Variants in IMMP2L observed in about 807,000 individuals in gnomAD.
The protein encoded by IMMP2L is mitochondrial inner membrane protease subunit 2.
In IMMP2L, 18 loss-of-function variants were observed where a neutral mutation model predicts 19.3. That is an observed-to-expected ratio of 0.93 (90% CI 0.64 to 1.38). IMMP2L has a LOEUF of 1.38. IMMP2L is among the 40% of genes most tolerant of loss of function. The probability of loss-of-function intolerance (pLI) is 0.00; values close to 1 mark genes in which losing one functional copy is unlikely to be tolerated. For missense variants in IMMP2L, 233 were observed against 218.2 expected, an observed-to-expected ratio of 1.07 and a Z score of -0.43; for synonymous variants, 76 against 73.0, an observed-to-expected ratio of 1.04 and a Z score of -0.21.
Position 111,387,965 on chromosome 7 carries a change from ACT to A in IMMP2L, c.239+99271_239+99272del, listed in dbSNP as rs377709301. ...CACTCCAGCCTGGAGACAGAGCAAGACTCTGTCTTTAAAAAAAAAAAAAAAAA... is the reference window on the plus strand; with the variant it reads ...CACTCCAGCCTGGAGACAGAGCAAGACTGTCTTTAAAAAAAAAAAAAAAAA... On this transcript the variant is annotated intron_variant, in intron 3 of 5. Transcript: ENST00000405709. Among the ~76,000 whole-genome samples, 24 of 136,400 alleles carry A rather than the reference ACT, an allele frequency of 1.8e-4. 2 individuals carry two copies. The East Asian group carries it at 2.5e-3, about 14-fold the overall frequency. The allele number at this position is 136,400 out of a possible 152,430, so 89.5% of individuals were successfully genotyped here.
intron 3 of IMMP2L, among the ~76,000 whole-genome samples, chr7:111,298,363 C>T (rs1163235859): frequency 1.3e-5 from 2 of 152,140 alleles, no homozygotes; most frequent in Non-Finnish European, 2.9e-5. Flanking sequence ...ACACAGGGTT[C>T]TTGGGAGGAT....
At position 111,419,722 on chromosome 7, in the gene IMMP2L, T is replaced by C. The variant is rs552417233; in HGVS notation, c.239+67516A>G. Among the ~76,000 whole-genome samples the C allele has an allele frequency of 1.7e-4, 26 of 151,740 alleles. No individual in the cohort carries two copies. The South Asian group carries it at 5.0e-3, about 29-fold the overall frequency. On this transcript the variant is annotated intron_variant, in intron 3 of 5. Coordinates refer to ENST00000405709, the MANE Select transcript of IMMP2L (RefSeq NM_032549.4). ...CTGTGTTCTGACCACCATGGGCACA[T>C]ATCGTCAGGACCACCGGAGACCTTG...
intron 3 of IMMP2L, among the ~76,000 whole-genome samples, chr7:111,250,487 C>A (rs1815974383): frequency 6.6e-6 from 1 of 152,160 alleles, no homozygotes; most frequent in Non-Finnish European, 1.5e-5. Flanking sequence ...AGGTATCACA[C>A]TACCTGACTT....
chr7:111,275,071 G>A (rs994232747), intron 3 of IMMP2L, among the ~76,000 whole-genome samples: 1 of 152,128 alleles, frequency 6.6e-6, no homozygotes, highest in Non-Finnish European at 1.5e-5. Flanking sequence ...CAAGTTTCCA[G>A]ACTATTTGAA....
intron 3 of IMMP2L, chr7:111,124,441 T>C: frequency 6.2e-7 from 1 of 1,613,816 alleles, no homozygotes; most frequent in Non-Finnish European, 8.5e-7. Flanking sequence ...ATGGACAGCC[T>C]TTGTCAAGAC....
chr7:111,437,077 GCAGA>G (rs1837249180), intron 3 of IMMP2L, among the ~76,000 whole-genome samples: 1 of 151,756 alleles, frequency 6.6e-6, no homozygotes, highest in African/African-American at 2.4e-5. Context: ...GAGATTTGGA[GCAGA>G]CAAACATCCA....
intron 3 of IMMP2L, among the ~76,000 whole-genome samples, chr7:111,447,456 TA>T (rs1259662617): frequency 2.0e-5 from 3 of 149,484 alleles, no homozygotes; most frequent in East Asian, 3.9e-4. Flanking sequence ...CCAGCCAAAC[TA>T]AGCTTCATAA....
chr7:110,824,565 C>G (rs1370709338), intron 5 of IMMP2L, among the ~76,000 whole-genome samples: 2 of 151,974 alleles, frequency 1.3e-5, no homozygotes, highest in African/African-American at 2.4e-5. Context: ...ATGGGTTCTC[C>G]CTATGTTGCC....
At chr7:111,531,991 T>C (rs1305044237) in intron 1 of IMMP2L, among the ~76,000 whole-genome samples, 1 of 151,118 alleles carries the variant, frequency 6.6e-6, no homozygotes, top group East Asian at 1.9e-4. Context: ...GGCCTATAAA[T>C]GGAAAAAGCA....
rs551912655 is a variant in IMMP2L, at chr7:111,009,161, A to C, written c.240-45596T>G. On this transcript the variant is annotated intron_variant, in intron 3 of 5. Transcript: ENST00000405709. ...TATGCTGGTATTATCTTCTCTCTAAAAGCGATTTAAAAACTTGGTTTTCTG... is the reference window on the plus strand; with the variant it reads ...TATGCTGGTATTATCTTCTCTCTAACAGCGATTTAAAAACTTGGTTTTCTG... 7.9e-5 allele frequency among the ~76,000 whole-genome samples: 12 copies of C among 152,178 alleles called. No homozygotes were observed. In the East Asian group the frequency reaches 2.3e-3, roughly 29 times the overall value.
At chr7:111,100,591 C>G (rs1301226726) in intron 3 of IMMP2L, among the ~76,000 whole-genome samples, 1 of 150,712 alleles carries the variant, frequency 6.6e-6, no homozygotes, top group African/African-American at 2.4e-5. Flanking sequence ...TATAATTCAA[C>G]TAATCTAAAA....
Position 111,540,019 on chromosome 7 carries a change from G to C in IMMP2L, c.-2-18570C>G, listed in dbSNP as rs1173976533. Reference sequence around the variant, plus strand: ...ATCTTCAAGTTAATGATTCATAACAGAACACCAAAATAATCTAATTGAACA... The same window carrying C: ...ATCTTCAAGTTAATGATTCATAACACAACACCAAAATAATCTAATTGAACA... On this transcript the variant is annotated intron_variant, in intron 1 of 5. Transcript: ENST00000405709. Among the ~76,000 whole-genome samples, 3 of 152,132 alleles carry C rather than the reference G, an allele frequency of 2.0e-5. No homozygotes were observed. In the East Asian group the frequency reaches 5.8e-4, roughly 29 times the overall value.
At chr7:110,787,855 G>A (rs1800187518) in intron 5 of IMMP2L, among the ~76,000 whole-genome samples, 1 of 148,092 alleles carries the variant, frequency 6.8e-6, no homozygotes, top group Non-Finnish European at 1.5e-5. Context: ...TTCCAGGAAG[G>A]ACAAAAAAAA....
rs1795978063 is a variant in IMMP2L, at chr7:110,727,541, T to A, written c.409-63820A>T. Among the ~76,000 whole-genome samples the A allele has an allele frequency of 6.6e-6, 1 of 151,962 alleles. No homozygotes were observed. The highest frequency in any genetic ancestry group is 1.5e-5 in the Non-Finnish European group (1 of 67,990). ...TCCCAGTGCTCCAAACCAGTAAGAG[T>A]CAGAAACTGATGTTAGCAAATTGAA... On this transcript the variant is annotated intron_variant, in intron 5 of 5. Transcript: ENST00000405709. This position sits in a 1 kb window ranked among gnomAD's most constrained non-coding sequence, Gnocchi z 4.3.
chr7:111,544,864 A>G (rs1848780484), intron 1 of IMMP2L, among the ~76,000 whole-genome samples: 1 of 152,060 alleles, frequency 6.6e-6, no homozygotes, highest in Non-Finnish European at 1.5e-5. Context: ...GCAAGAAACA[A>G]AACAGGCAGA....
At chr7:111,487,841 T>A (rs913235788) in intron 2 of IMMP2L, among the ~76,000 whole-genome samples, 1 of 152,176 alleles carries the variant, frequency 6.6e-6, no homozygotes, top group Non-Finnish European at 1.5e-5. Flanking sequence ...ATAAAATGTA[T>A]GGATTTCCCA....
intron 5 of IMMP2L, among the ~76,000 whole-genome samples, chr7:110,855,221 A>T (rs1226901280): frequency 6.6e-6 from 1 of 152,030 alleles, no homozygotes; most frequent in Non-Finnish European, 1.5e-5. Flanking sequence ...TGCTGCTAAC[A>T]GAAAAAAACA....
At chr7:111,177,220 T>G (rs1423736678) in intron 3 of IMMP2L, among the ~76,000 whole-genome samples, 1 of 152,092 alleles carries the variant, frequency 6.6e-6, no homozygotes, top group African/African-American at 2.4e-5. Flanking sequence ...TGCTCTGTCA[T>G]CGAGGCTAGA....
At chr7:111,537,300 T>G (rs1460017863) in intron 1 of IMMP2L, among the ~76,000 whole-genome samples, 1 of 152,088 alleles carries the variant, frequency 6.6e-6, no homozygotes. Context: ...TTTTATACTC[T>G]CTGGTTCTTC....
Sources: gnomAD v4.1 joint callset for allele counts (sites outside exome capture counted in the v4.1 genomes callset) on GRCh38, gnomAD v4.1.1 for gene constraint, Gnocchi (gnomAD v3.1) non-coding constraint, MANE v1.5 for transcripts, NCBI Gene and HGNC (gene_info 2026-07-23, HGNC 2026-07-21) for gene names.